LAMB4: variants seen among roughly 807,000 people sequenced by gnomAD.
The protein encoded by LAMB4 is laminin subunit beta 4, also known as laminin subunit beta-4.
A neutral mutation model predicts 199.2 loss-of-function variants in LAMB4; 196 were observed. The observed-to-expected ratio is 0.98, with a 90% CI of 0.88 to 1.11. The LOEUF is 1.11. Ranked by LOEUF, LAMB4 falls within the 50% of genes least tolerant of loss-of-function variation. The probability of loss-of-function intolerance (pLI) is 0.00; values close to 1 mark genes in which losing one functional copy is unlikely to be tolerated. For missense variants in LAMB4, 2,080 were observed against 2,171.2 expected (o/e 0.96, Z 0.83); for synonymous variants, 744 against 770.6 (o/e 0.97, Z 0.57).
At chr7:108,058,347 G>A (rs1245249779) in intron 23 of LAMB4, among the ~76,000 whole-genome samples, 1 of 152,230 alleles carries the variant, frequency 6.6e-6, no homozygotes, top group African/African-American at 2.4e-5. Flanking sequence ...GTATGATGTA[G>A]TTTTCACCAA....
At chr7:108,087,432 GAAGGCTC>G (rs1337235730) in intron 14 of LAMB4, among the ~76,000 whole-genome samples, 63 of 152,308 alleles carry the variant, frequency 4.1e-4, no homozygotes, top group African/African-American at 1.4e-3. Context: ...ATGCACACAG[GAAGGCTC>G]AGTAAAAAAT....
rs2035266990 is a variant in LAMB4, at chr7:108,037,383, C to G, written c.4679+5G>C. The stretch of plus-strand genomic sequence containing the variant: ...GCAAGATAAGAATATTAATACAGTA[C>G]TTACTCAGCTGCTTTGGCCTTCACC... On this transcript the variant is annotated splice_donor_5th_base_variant and intron_variant, in intron 30 of 33. Coordinates refer to ENST00000388781, the MANE Select transcript of LAMB4 (RefSeq NM_007356.3). The G allele has an allele frequency of 6.2e-7, 1 of 1,607,936 alleles. No individual in the cohort carries two copies. The highest frequency in any genetic ancestry group is 2.2e-5 in the East Asian group (1 of 44,842).
chr7:108,025,264 G>A (rs575723067), intron 33 of LAMB4, among the ~76,000 whole-genome samples: 5 of 152,222 alleles, frequency 3.3e-5, no homozygotes, highest in East Asian at 3.9e-4. Flanking sequence ...GAAGCTCCAC[G>A]AAGGAAGATT....
chr7:108,095,231 G>A lies in LAMB4; in HGVS notation c.1467C>T (p.Cys489=), dbSNP rs745926723. Residue 489 remains cysteine, a synonymous_variant, in exon 12 of 34, where the codon TGC becomes TGT. Coordinates refer to ENST00000388781, the MANE Select transcript of LAMB4 (RefSeq NM_007356.3). ...SYVTGAHCEE[C]TVGYWGLGNH... ...GAAACTATAGGCAAATACATACAGTGCATTCTTCGCAGTGTGCTCCGGTGA... is the reference window on the plus strand; with the variant it reads ...GAAACTATAGGCAAATACATACAGTACATTCTTCGCAGTGTGCTCCGGTGA... The A allele has an allele frequency of 1.9e-6, 3 of 1,608,212 alleles. No individual in the cohort carries two copies. In the South Asian group the frequency reaches 3.3e-5, roughly 18 times the overall value.
In LAMB4 at chr7:108,103,315, G is replaced by A. The variant is rs965579120; in HGVS notation, c.992-83C>T. 7.0e-6 allele frequency: 8 copies of A among 1,140,118 alleles called. No individual in the cohort carries two copies. The African/African-American group carries it at 9.2e-5, about 13-fold the overall frequency. The allele number at this position is 1,140,118 out of a possible 1,614,324, so 70.6% of individuals were successfully genotyped here. ...TGCCCCCGCACTGGTCAGGGCACCCGCTAGTCCTCCTTGTCCTCCTGCCAT... is the reference window on the plus strand; with the variant it reads ...TGCCCCCGCACTGGTCAGGGCACCCACTAGTCCTCCTTGTCCTCCTGCCAT... On this transcript the variant is annotated intron_variant, in intron 9 of 33. Coordinates refer to ENST00000388781, the MANE Select transcript of LAMB4 (RefSeq NM_007356.3).
intron 24 of LAMB4, among the ~76,000 whole-genome samples, chr7:108,056,443 C>T (rs1374312876): frequency 2.0e-5 from 3 of 152,136 alleles, no homozygotes; most frequent in Non-Finnish European, 4.4e-5. Flanking sequence ...ACCACGCTGT[C>T]TTCCATTACA....
At chr7:108,066,315 G>T in intron 20 of LAMB4, 54 bp downstream of exon 20, 1 of 1,298,910 alleles carries the variant, frequency 7.7e-7, no homozygotes, top group Non-Finnish European at 1.1e-6. Flanking sequence ...TCTATTAGGA[G>T]ATTGGAACAA....
Position 108,079,716 on chromosome 7 carries a change from A to G in LAMB4, c.1772T>C (p.Val591Ala). 6.2e-7 allele frequency: 1 copy of G among 1,611,872 alleles called. No individual in the cohort carries two copies. ...VLGEPVPGNPVTWTGPGFARV... is the reference protein window; with the variant it reads ...VLGEPVPGNPATWTGPGFARV... ...GGCAAATCCAGGTCCAGTCCATGTA[A>G]CAGGGTTCCCAGGAACTGGCTCTCC... is the stretch of plus-strand genomic sequence containing the variant. Residue 591 changes from valine to alanine, a missense_variant, in exon 15 of 34, where the codon GTT becomes GCT. Val to Ala is a moderately conservative substitution (Grantham distance 64). Coordinates refer to ENST00000388781, the MANE Select transcript of LAMB4 (RefSeq NM_007356.3).
chr7:108,022,588 T>G (rs1188534520), downstream of LAMB4, among the ~76,000 whole-genome samples: 1 of 152,192 alleles, frequency 6.6e-6, no homozygotes, highest in Non-Finnish European at 1.5e-5. Context: ...TATAGATTTT[T>G]TTTTAGATAA....
chr7:108,065,866 C>CAAGGACGA lies in LAMB4; in HGVS notation c.2724_2731dup (p.Cys911PhefsTer29), dbSNP rs2036319131. 6.2e-7 allele frequency: 1 copy of CAAGGACGA among 1,613,990 alleles called. No individual in the cohort carries two copies. Among genetic ancestry groups the CAAGGACGA allele is most frequent in the Non-Finnish European group, 8.5e-7 (1 of 1,179,988 alleles). On this transcript the variant is annotated frameshift_variant, in exon 21 of 34. Transcript: ENST00000388781. LOFTEE classifies it high-confidence loss of function. ...GCTTGAGGGATCATCTGGACACAGGCAAGGACGACAGGGCTGTCCTGAAGA... is the reference window on the plus strand; with the variant it reads ...GCTTGAGGGATCATCTGGACACAGGCAAGGACGAAAGGACGACAGGGCTGTCCTGAAGA...
At chr7:108,066,642 G>A in intron 19 of LAMB4, 42 bp from the exon 20 acceptor site, 2 of 1,259,446 alleles carry the variant, frequency 1.6e-6, no homozygotes, top group Non-Finnish European at 2.3e-6. Context: ...GGGGATGAGT[G>A]GTGTGTGGTG....
intron 13 of LAMB4, 64 bp downstream of exon 13, chr7:108,092,273 A>T: frequency 7.9e-7 from 1 of 1,270,478 alleles, no homozygotes. Flanking sequence ...CTATGAGCGT[A>T]TCAGAATAAA....
chr7:108,084,822 C>T lies in LAMB4; in HGVS notation c.1702-5036G>A, dbSNP rs1169142450. On this transcript the variant is annotated intron_variant, in intron 14 of 33. Coordinates refer to ENST00000388781, the MANE Select transcript of LAMB4 (RefSeq NM_007356.3). ...TTTTTTTTTTTTTGAGACAGGGTCT[C>T]GCTCTTGACCTCCTGGGCTCAAGTG... Among the ~76,000 whole-genome samples the T allele has an allele frequency of 1.5e-5, 2 of 136,854 alleles. 1 individual carries two copies. The highest frequency in any genetic ancestry group is 3.0e-5 in the Non-Finnish European group (2 of 65,582). 89.8% of individuals were successfully genotyped at this position (136,854 alleles called of 152,430 possible).
intron 23 of LAMB4, among the ~76,000 whole-genome samples, chr7:108,061,837 A>G (rs2036171654): frequency 6.6e-6 from 1 of 152,120 alleles, no homozygotes; most frequent in African/African-American, 2.4e-5. Flanking sequence ...CATTCTCCAT[A>G]TAAGAACTAC....
chr7:108,022,945 G>T (rs546316265), downstream of LAMB4, among the ~76,000 whole-genome samples: 4 of 152,150 alleles, frequency 2.6e-5, no homozygotes, highest in South Asian at 8.3e-4. Flanking sequence ...CTGAGTAGCT[G>T]GGATTACAAG....
intron 33 of LAMB4, among the ~76,000 whole-genome samples, chr7:108,027,473 T>C (rs979535647): frequency 6.6e-6 from 1 of 152,208 alleles, no homozygotes; most frequent in Non-Finnish European, 1.5e-5. Flanking sequence ...CATACTAATG[T>C]TCCATTTTCA....
intron 17 of LAMB4, among the ~76,000 whole-genome samples, chr7:108,074,951 A>G (rs566879415): frequency 6.6e-6 from 1 of 152,318 alleles, no homozygotes; most frequent in East Asian, 1.9e-4. Flanking sequence ...TAGATTGAAA[A>G]TCAAGAGTAT....
intron 26 of LAMB4, among the ~76,000 whole-genome samples, chr7:108,051,447 T>C (rs1226987173): frequency 1.3e-5 from 2 of 152,188 alleles, no homozygotes; most frequent in African/African-American, 2.4e-5. Flanking sequence ...ATAAACTCAG[T>C]GATGCTTCTC....
the LAMB4 span, among the ~76,000 whole-genome samples, chr7:108,015,766 T>G: frequency 7.1e-6 from 1 of 140,088 alleles, no homozygotes; most frequent in South Asian, 2.2e-4. Context: ...TTTTTTTTTT[T>G]TTTTACTTAA....
Sources: allele counts gnomAD v4.1 joint callset (sites outside exome capture counted in the v4.1 genomes callset), GRCh38; gene constraint gnomAD v4.1.1; transcripts MANE v1.5; gene names NCBI Gene and HGNC (gene_info 2026-07-23, HGNC 2026-07-21).